The following FBLN1 variants were observed in gnomAD, a reference collection of about 807,000 sequenced individuals.
FBLN1 encodes fibulin 1.
In FBLN1, 34 loss-of-function variants were observed where a neutral mutation model predicts 89.7. That is an observed-to-expected ratio of 0.38 (90% confidence interval 0.29 to 0.50). FBLN1 has a LOEUF of 0.50. Ranked by LOEUF, FBLN1 falls within the 20% of genes least tolerant of loss-of-function variation. FBLN1 has a pLI of 0.92. For synonymous variants in FBLN1, 393 were observed against 391.3 expected, an observed-to-expected ratio of 1.00 and a Z score of -0.05; for missense variants, 777 against 988.1, an observed-to-expected ratio of 0.79 and a Z score of 2.86.
chr22:45,593,210 T>TG (rs1221460470), intron 16 of FBLN1, among the ~76,000 whole-genome samples: 3 of 114,074 alleles, frequency 2.6e-5, no homozygotes, highest in African/African-American at 1.0e-4. Flanking sequence ...GGAGAGACAA[T>TG]CAAGTGCAAC....
At chr22:45,599,608 T>C (rs535010538) in intron 16 of FBLN1, among the ~76,000 whole-genome samples, 2 of 152,250 alleles carry the variant, frequency 1.3e-5, no homozygotes, top group East Asian at 3.9e-4. Context: ...CAGGCCCTCT[T>C]CTAGGCTCCC....
At chr22:45,540,318 G>T (rs1314166753) in intron 8 of FBLN1, among the ~76,000 whole-genome samples, 1 of 152,208 alleles carries the variant, frequency 6.6e-6, no homozygotes, top group African/African-American at 2.4e-5. Context: ...CAGGCTGGCT[G>T]TGGTGCTCGA....
chr22:45,596,642 CAT>C (rs2089188861), intron 16 of FBLN1, among the ~76,000 whole-genome samples: 2 of 147,466 alleles, frequency 1.4e-5, no homozygotes, highest in African/African-American at 4.9e-5. Flanking sequence ...TAATTATATA[CAT>C]ATATCAACAT....
rs976328904 is a variant in FBLN1 at position 45,563,221 on chromosome 22, C to T, written c.1698-11290C>T. On this transcript the variant is annotated intron_variant, in intron 14 of 16. Coordinates refer to ENST00000327858, the MANE Select transcript of FBLN1 (RefSeq NM_006486.3). The surrounding 1 kb of genome is among the most constrained non-coding windows in gnomAD (Gnocchi z 5.7). ...ATCTCTCTCGCCACGGCACCGTCAGCTCCTTTGTGGCCAAGCTTTTCATCT... is the reference window on the plus strand; with the variant it reads ...ATCTCTCTCGCCACGGCACCGTCAGTTCCTTTGTGGCCAAGCTTTTCATCT... 3 of 1,613,836 alleles carry T rather than the reference C, an allele frequency of 1.9e-6. No homozygotes were observed. The highest frequency in any genetic ancestry group is 1.6e-4 in the Middle Eastern group (1 of 6,062).
chr22:45,533,703 A>T, intron 6 of FBLN1, 58 bp from the exon 7 acceptor site: 1 of 1,589,720 alleles, frequency 6.3e-7, no homozygotes, highest in Non-Finnish European at 8.5e-7. Context: ...CCTTTCTAGG[A>T]TGTATTAGGA....
Position 45,548,598 on chromosome 22 carries a change from G to A in FBLN1, c.1442-15G>A. ...TGCCAGGACACTGAGGCTGAGGTGG[G>A]CTTTGCCGTTGCAGACATCGACGAG... On this transcript the variant is annotated splice_polypyrimidine_tract_variant and intron_variant, in intron 12 of 16. Transcript: ENST00000327858. 1 of 1,613,440 alleles carries A rather than the reference G, an allele frequency of 6.2e-7. No homozygotes were observed. The highest frequency in any genetic ancestry group is 1.7e-5 in the Admixed American group (1 of 60,028).
At chr22:45,517,512 C>T (rs1253988455) in intron 1 of FBLN1, 2 of 468,828 alleles carry the variant, frequency 4.3e-6, no homozygotes, top group African/African-American at 4.0e-5. Flanking sequence ...CTCATTTGGG[C>T]CGTGGCCTGG....
At chr22:45,508,542 T>G (rs1032846656) in intron 1 of FBLN1, among the ~76,000 whole-genome samples, 2 of 152,150 alleles carry the variant, frequency 1.3e-5, no homozygotes, top group Non-Finnish European at 2.9e-5. Flanking sequence ...ATTACAGGCG[T>G]GAGCCACCGC....
chr22:45,589,452 G>A (rs189900089), intron 16 of FBLN1, among the ~76,000 whole-genome samples: 1 of 152,306 alleles, frequency 6.6e-6, no homozygotes, highest in Admixed American at 6.5e-5. Flanking sequence ...CCATGGCAGC[G>A]CAGACAGTCA....
chr22:45,551,702 T>G (rs1029156544), intron 14 of FBLN1, among the ~76,000 whole-genome samples: 1 of 152,232 alleles, frequency 6.6e-6, no homozygotes. Flanking sequence ...GTCTGTAGCA[T>G]CCCGAAGAGC....
At position 45,550,476 on chromosome 22, in the gene FBLN1, G is replaced by A. The variant is rs2088687228; in HGVS notation, c.1574-16G>A. 4 of 1,613,758 alleles carry A rather than the reference G, an allele frequency of 2.5e-6. No individual in the cohort carries two copies. Among genetic ancestry groups the A allele is most frequent in the Admixed American group, 1.7e-5 (1 of 60,006 alleles). Reference sequence around the variant, plus strand: ...CAGCCTCTGCCTTCACTGTGCTGCTGTGGGGTCTCTTGCAGACATTGATGA... The same window carrying A: ...CAGCCTCTGCCTTCACTGTGCTGCTATGGGGTCTCTTGCAGACATTGATGA... On this transcript the variant is annotated splice_polypyrimidine_tract_variant and intron_variant, in intron 13 of 16. Coordinates refer to ENST00000327858, the MANE Select transcript of FBLN1 (RefSeq NM_006486.3). The surrounding 1 kb of genome is among the most constrained non-coding windows in gnomAD (Gnocchi z 8.4).
At position 45,518,790 on chromosome 22, in the gene FBLN1, A is replaced by T. The variant is rs752679919; in HGVS notation, c.185+3A>T. The T allele has an allele frequency of 2.5e-6, 4 of 1,604,216 alleles. No homozygotes were observed. The highest frequency in any genetic ancestry group is 1.3e-5 in the African/African-American group (1 of 74,680). On this transcript the variant is annotated splice_donor_region_variant and intron_variant, in intron 2 of 16. Coordinates refer to ENST00000327858, the MANE Select transcript of FBLN1 (RefSeq NM_006486.3). ...GCTACGGAATCCAAAGAATGCAGGT[A>T]CGTTTGCCAGTGGCCACTGTTTCAC...
rs1419685491 is a variant in FBLN1 at position 45,579,078 on chromosome 22, C to T, written c.1972+1970C>T. The stretch of plus-strand genomic sequence containing the variant: ...GTTTTACGTCTTTAGTTCCCACCTA[C>T]ATCCTTCCTGGGGTGACCCAAGCCA... On this transcript the variant is annotated intron_variant, in intron 16 of 16. Transcript: ENST00000327858. This position sits in a 1 kb window ranked among gnomAD's most constrained non-coding sequence, Gnocchi z 5.5. 2.0e-5 allele frequency among the ~76,000 whole-genome samples: 3 copies of T among 152,212 alleles called. No individual in the cohort carries two copies. Among genetic ancestry groups the T allele is most frequent in the Admixed American group, 2.0e-4 (3 of 15,280 alleles).
At chr22:45,538,553 G>A (rs1227662794) in intron 8 of FBLN1, among the ~76,000 whole-genome samples, 1 of 152,100 alleles carries the variant, frequency 6.6e-6, no homozygotes, top group African/African-American at 2.4e-5. Flanking sequence ...GCACCTTTAT[G>A]TTATCTTTTT....
Position 45,581,916 on chromosome 22 carries a change from G to T in FBLN1, c.1972+4808G>T, listed in dbSNP as rs927283040. 1.3e-5 allele frequency among the ~76,000 whole-genome samples: 2 copies of T among 152,206 alleles called. No homozygotes were observed. The highest frequency in any genetic ancestry group is 2.4e-5 in the African/African-American group (1 of 41,452). ...AGGGAGGGTCGAGGGGAGGCCGAAA[G>T]GGGCTGCAGGGCCAGGCCTTGGTGG... is the stretch of plus-strand genomic sequence containing the variant. On this transcript the variant is annotated intron_variant, in intron 16 of 16. Transcript: ENST00000327858. The surrounding 1 kb of genome is among the most constrained non-coding windows in gnomAD (Gnocchi z 7.6).
intron 14 of FBLN1, among the ~76,000 whole-genome samples, chr22:45,564,410 C>A (rs554222363): frequency 6.6e-6 from 1 of 152,240 alleles, no homozygotes. Context: ...CTAATTTAGT[C>A]CTTGCATGCA....
chr22:45,569,013 C>T (rs1452301125), intron 14 of FBLN1, among the ~76,000 whole-genome samples: 3 of 152,288 alleles, frequency 2.0e-5, no homozygotes, highest in Non-Finnish European at 2.9e-5. Flanking sequence ...ATAAGGATAA[C>T]GGTCATCTTG....
rs2088860780 is a variant in FBLN1, at chr22:45,562,601, C to T, written c.1698-11910C>T. On this transcript the variant is annotated intron_variant, in intron 14 of 16. Transcript: ENST00000327858. This position sits in a 1 kb window ranked among gnomAD's most constrained non-coding sequence, Gnocchi z 7.8. The stretch of plus-strand genomic sequence containing the variant: ...AAGGGCCTGGGAAGGGCAGGGTGTG[C>T]CTGGGGAGTGCCCCTGGGGTGGGGC... 2.0e-5 allele frequency among the ~76,000 whole-genome samples: 3 copies of T among 152,320 alleles called. No homozygotes were observed. The highest frequency in any genetic ancestry group is 3.4e-3 in the Middle Eastern group (1 of 294).
intron 2 of FBLN1, chr22:45,523,101 T>C (rs2088272779): frequency 3.9e-6 from 3 of 772,470 alleles, no homozygotes; most frequent in Non-Finnish European, 7.3e-6. Context: ...AGCCGTGGGG[T>C]TGGCCTCACT....
Sources: gnomAD v4.1 joint callset for allele counts (sites outside exome capture counted in the v4.1 genomes callset) on GRCh38, gnomAD v4.1.1 for gene constraint, Gnocchi (gnomAD v3.1) non-coding constraint, MANE v1.5 for transcripts, NCBI Gene and HGNC (gene_info 2026-07-23, HGNC 2026-07-21) for gene names.